TAFA1: variants seen among roughly 807,000 people sequenced by gnomAD.
TAFA1 encodes the protein chemokine-like protein TAFA-1.
Under a neutral mutation model 18.5 loss-of-function variants are expected in TAFA1, and 4 were observed. The ratio of observed to expected loss-of-function variants is 0.22; its 90% CI spans 0.11 to 0.49. The LOEUF (loss-of-function observed/expected upper bound fraction) is 0.49. TAFA1 is among the 20% of genes least tolerant of loss of function. TAFA1 has a pLI of 0.98. For synonymous variants in TAFA1, 56 were observed against 55.2 expected, an observed-to-expected ratio of 1.01 and a Z score of -0.06; for missense variants, 147 against 169.0, an observed-to-expected ratio of 0.87 and a Z score of 0.72.
At chr3:68,405,699 C>CAAAAAAAAAAAAAAAAAAAA (rs56258198) in intron 2 of TAFA1, among the ~76,000 whole-genome samples, 6 of 32,888 alleles carry the variant, frequency 1.8e-4, no homozygotes, top group Non-Finnish European at 2.3e-4. Flanking sequence ...GACTCTATCT[C>CAAAAAAAAAAAAAAAAAAAA]AAAAAAAAAA....
chr3:68,199,078 A>T (rs969516817), intron 2 of TAFA1, among the ~76,000 whole-genome samples: 1 of 151,514 alleles, frequency 6.6e-6, no homozygotes, highest in African/African-American at 2.4e-5. Flanking sequence ...TGATTGATTG[A>T]TTTTGCACAT....
At chr3:68,328,859 T>C (rs1469025312) in intron 2 of TAFA1, among the ~76,000 whole-genome samples, 1 of 152,058 alleles carries the variant, frequency 6.6e-6, no homozygotes, top group African/African-American at 2.4e-5. Context: ...ATATGGAAGC[T>C]AAGAAGAAAG....
At chr3:68,539,381 A>T (rs997097896) in intron 4 of TAFA1, among the ~76,000 whole-genome samples, 1 of 151,886 alleles carries the variant, frequency 6.6e-6, no homozygotes, top group African/African-American at 2.4e-5. Flanking sequence ...ATCAGGAGTG[A>T]TCTTCTAAAT....
chr3:68,477,031 A>T (rs1459013834), intron 3 of TAFA1, among the ~76,000 whole-genome samples: 2 of 152,142 alleles, frequency 1.3e-5, no homozygotes, highest in Non-Finnish European at 2.9e-5. Flanking sequence ...TCTCCTTTCA[A>T]CTGCTTCATT....
intron 2 of TAFA1, among the ~76,000 whole-genome samples, chr3:68,274,547 C>T (rs918995173): frequency 6.6e-6 from 1 of 152,184 alleles, no homozygotes; most frequent in Non-Finnish European, 1.5e-5. Context: ...GGACAAGACA[C>T]AGCCTGCTTT....
At chr3:67,993,766 G>A in the TAFA1 span, among the ~76,000 whole-genome samples, 2 of 152,104 alleles carry the variant, frequency 1.3e-5, no homozygotes, top group Admixed American at 1.3e-4. Flanking sequence ...ACAAATCCCT[G>A]AAATCTAATA....
chr3:68,522,420 A>G (rs561820508), intron 3 of TAFA1, among the ~76,000 whole-genome samples: 1 of 152,296 alleles, frequency 6.6e-6, no homozygotes, highest in African/African-American at 2.4e-5. Flanking sequence ...GAGAAATGAT[A>G]GGGAAAGGTT....
At chr3:68,086,668 A>G (rs914595970) in intron 2 of TAFA1, among the ~76,000 whole-genome samples, 11 of 152,312 alleles carry the variant, frequency 7.2e-5, no homozygotes, top group Middle Eastern at 3.4e-3. Flanking sequence ...GAAATACCAA[A>G]ACTTACCTTT....
chr3:68,024,526 C>T (rs530076387), intron 2 of TAFA1, among the ~76,000 whole-genome samples: 1 of 152,034 alleles, frequency 6.6e-6, no homozygotes, highest in South Asian at 2.1e-4. Flanking sequence ...TTCTTATTAG[C>T]TAAAATATTT....
chr3:68,220,904 GCA>G (rs2066721565), intron 2 of TAFA1, among the ~76,000 whole-genome samples: 1 of 152,220 alleles, frequency 6.6e-6, no homozygotes, highest in African/African-American at 2.4e-5. Flanking sequence ...GTCCCCACTG[GCA>G]CCACAGATGC....
intron 2 of TAFA1, among the ~76,000 whole-genome samples, chr3:68,077,868 G>C (rs539846560): frequency 6.6e-6 from 1 of 152,104 alleles, no homozygotes; most frequent in South Asian, 2.1e-4. Flanking sequence ...TAGCTTGATG[G>C]GGATGGCATT....
At chr3:68,544,347 A>T in intron 4 of TAFA1, 139 bp from the exon 5 acceptor site, 2 of 760,032 alleles carry the variant, frequency 2.6e-6, no homozygotes, top group Non-Finnish European at 4.4e-6. Context: ...CTAAACTTTA[A>T]GATTTTTGAC....
chr3:68,238,257 A>C (rs998884984), intron 2 of TAFA1, among the ~76,000 whole-genome samples: 7 of 152,168 alleles, frequency 4.6e-5, no homozygotes, highest in Admixed American at 3.9e-4. Flanking sequence ...CACTACCATT[A>C]GGGCTGAGGT....
intron 2 of TAFA1, among the ~76,000 whole-genome samples, chr3:68,412,605 C>T (rs967374022): frequency 7.2e-5 from 11 of 152,080 alleles, no homozygotes; most frequent in African/African-American, 2.7e-4. Context: ...CAATTCTCAC[C>T]TATGAGTGAG....
chr3:68,137,766 A>G (rs1215556783), intron 2 of TAFA1, among the ~76,000 whole-genome samples: 2 of 152,330 alleles, frequency 1.3e-5, no homozygotes, highest in East Asian at 3.9e-4. Flanking sequence ...AAAGGCCCAG[A>G]TAGGTCATCT....
chr3:68,237,417 G>A (rs1401458848), intron 2 of TAFA1, among the ~76,000 whole-genome samples: 7 of 152,168 alleles, frequency 4.6e-5, no homozygotes, highest in Non-Finnish European at 1.0e-4. Flanking sequence ...GGAGGGCTTG[G>A]GAGGACACAA....
At chr3:68,538,941 C>T (rs773357869) in intron 4 of TAFA1, 61 bp downstream of exon 4, 34 of 1,565,678 alleles carry the variant, frequency 2.2e-5, no homozygotes, top group Non-Finnish European at 3.0e-5. Context: ...TGAGTTTGTG[C>T]TGTGCAAACA....
At chr3:68,229,845 G>A (rs937252183) in intron 2 of TAFA1, among the ~76,000 whole-genome samples, 10 of 152,066 alleles carry the variant, frequency 6.6e-5, no homozygotes, top group Non-Finnish European at 8.8e-5. Context: ...TCTATATAAC[G>A]GAGAGATATA....
At chr3:68,027,141 C>T (rs1368689308) in intron 2 of TAFA1, among the ~76,000 whole-genome samples, 2 of 152,118 alleles carry the variant, frequency 1.3e-5, no homozygotes, top group African/African-American at 4.8e-5. Flanking sequence ...CCAGGCCCCA[C>T]CTGCAACACT....
Sources: allele counts gnomAD v4.1 joint callset (sites outside exome capture counted in the v4.1 genomes callset), GRCh38; gene constraint gnomAD v4.1.1; transcripts MANE v1.5; gene names NCBI Gene and HGNC (gene_info 2026-07-23, HGNC 2026-07-21).